CNTN4: variants seen among roughly 807,000 people sequenced by gnomAD.
The protein encoded by CNTN4 is contactin 4.
A neutral mutation model predicts 122.5 loss-of-function variants in CNTN4; 77 were observed. That is an observed-to-expected ratio of 0.63 (90% CI 0.52 to 0.76). The LOEUF (loss-of-function observed/expected upper bound fraction) is 0.76. Among genes scored for constraint, CNTN4 ranks in the 30% least tolerant of loss-of-function variants. The probability of loss-of-function intolerance (pLI) is 0.00; values close to 1 mark genes in which losing one functional copy is unlikely to be tolerated. For synonymous variants in CNTN4, 512 were observed against 447.0 expected, an observed-to-expected ratio of 1.15 and a Z score of -1.83; for missense variants, 1,256 against 1,259.1, an observed-to-expected ratio of 1.00 and a Z score of 0.04.
chr3:2,528,555 T>A (rs2149212460), intron 3 of CNTN4, among the ~76,000 whole-genome samples: 1 of 152,290 alleles, frequency 6.6e-6, no homozygotes, highest in East Asian at 1.9e-4. Context: ...TTGTCTGAGA[T>A]TGTACTACTT....
chr3:2,973,976 T>G (rs1339408789), intron 13 of CNTN4, among the ~76,000 whole-genome samples: 1 of 152,226 alleles, frequency 6.6e-6, no homozygotes, highest in Non-Finnish European at 1.5e-5. Context: ...TCAGATCATC[T>G]TGGATGGTAC....
At chr3:2,626,087 A>C (rs1394447495) in intron 4 of CNTN4, among the ~76,000 whole-genome samples, 2 of 152,164 alleles carry the variant, frequency 1.3e-5, no homozygotes, top group Non-Finnish European at 2.9e-5. Flanking sequence ...ATCTTTTGCC[A>C]GTTCTCTTGA....
chr3:2,523,356 T>TAAAAAAA (rs67485307), intron 3 of CNTN4, among the ~76,000 whole-genome samples: 1 of 119,990 alleles, frequency 8.3e-6, no homozygotes, highest in Non-Finnish European at 1.7e-5. Flanking sequence ...CAAGAGACCT[T>TAAAAAAA]AAAAAAAAAA....
At chr3:2,996,172 T>A (rs1695516880) in intron 14 of CNTN4, among the ~76,000 whole-genome samples, 1 of 152,130 alleles carries the variant, frequency 6.6e-6, no homozygotes, top group African/African-American at 2.4e-5. Context: ...TCTGTTTGGG[T>A]AAATTTTTAA....
intron 2 of CNTN4, among the ~76,000 whole-genome samples, chr3:2,205,235 G>GT (rs980063961): frequency 4.0e-5 from 6 of 150,256 alleles, no homozygotes; most frequent in Non-Finnish European, 5.9e-5. Flanking sequence ...ATAATAAAAA[G>GT]TTTTTTTATT....
chr3:2,824,321 C>T (rs2092940262), intron 7 of CNTN4, among the ~76,000 whole-genome samples: 1 of 151,772 alleles, frequency 6.6e-6, no homozygotes, highest in South Asian at 2.1e-4. Flanking sequence ...AATTAGTCTG[C>T]TGGTGTGCGC....
intron 14 of CNTN4, among the ~76,000 whole-genome samples, chr3:3,000,462 G>A (rs1025711375): frequency 6.6e-6 from 1 of 152,154 alleles, no homozygotes; most frequent in Non-Finnish European, 1.5e-5. Context: ...TGACATCAGA[G>A]GGCAGTACCA....
At chr3:2,666,583 G>A (rs1053448298) in intron 4 of CNTN4, among the ~76,000 whole-genome samples, 1 of 120,718 alleles carries the variant, frequency 8.3e-6, no homozygotes, top group African/African-American at 3.1e-5. Context: ...GGAATAAAAT[G>A]TTCTTTTTTT....
chr3:2,396,395 C>G (rs1242544866), intron 3 of CNTN4, among the ~76,000 whole-genome samples: 1 of 152,064 alleles, frequency 6.6e-6, no homozygotes, highest in Non-Finnish European at 1.5e-5. Flanking sequence ...TCTCAGAAAT[C>G]ATGTTAAAGA....
At chr3:2,122,022 GGC>G (rs367944967) in intron 2 of CNTN4, among the ~76,000 whole-genome samples, 2,334 of 135,350 alleles carry the variant, frequency 0.017, 44 homozygotes, top group African/African-American at 0.05. Flanking sequence ...CGGGCGTGGT[GGC>G]GGCGCCTGTA....
chr3:2,619,401 A>T (rs1478235766), intron 4 of CNTN4, among the ~76,000 whole-genome samples: 2 of 152,196 alleles, frequency 1.3e-5, no homozygotes, highest in African/African-American at 4.8e-5. Context: ...ATTGATTGTA[A>T]ATATTTTCAA....
chr3:2,621,164 C>G (rs1168259649), intron 4 of CNTN4, among the ~76,000 whole-genome samples: 3 of 152,100 alleles, frequency 2.0e-5, no homozygotes, highest in Non-Finnish European at 4.4e-5. Flanking sequence ...TTAAGCACCC[C>G]CTGTTCTCGC....
intron 4 of CNTN4, among the ~76,000 whole-genome samples, chr3:2,714,355 G>T (rs1011459581): frequency 2.0e-5 from 3 of 152,142 alleles, no homozygotes; most frequent in African/African-American, 7.2e-5. Context: ...TCTTCATACT[G>T]TTCTGTAGAA....
chr3:2,798,916 A>G (rs950613768), intron 6 of CNTN4, among the ~76,000 whole-genome samples: 28 of 152,098 alleles, frequency 1.8e-4, no homozygotes, highest in Admixed American at 1.2e-3. Context: ...AGAAATCTCT[A>G]TACTGTTTTC....
intron 2 of CNTN4, among the ~76,000 whole-genome samples, chr3:2,120,402 TATA>T (rs1445417177): frequency 3.8e-3 from 118 of 31,156 alleles, no homozygotes; most frequent in East Asian, 9.2e-3. Flanking sequence ...TATATATATA[TATA>T]TTTTTTTTTT....
At chr3:2,396,303 G>A (rs929875019) in intron 3 of CNTN4, among the ~76,000 whole-genome samples, 2 of 152,196 alleles carry the variant, frequency 1.3e-5, no homozygotes, top group South Asian at 2.1e-4. Flanking sequence ...GGGATTACAG[G>A]CATGAGCCAA....
chr3:2,945,148 G>T (rs184299380), intron 13 of CNTN4, among the ~76,000 whole-genome samples: 1 of 152,032 alleles, frequency 6.6e-6, no homozygotes, highest in Non-Finnish European at 1.5e-5. Context: ...CCTGAAGGAG[G>T]GAAATCTGGG....
intron 3 of CNTN4, among the ~76,000 whole-genome samples, chr3:2,550,088 C>T (rs1403302166): frequency 6.6e-6 from 1 of 152,112 alleles, no homozygotes; most frequent in Non-Finnish European, 1.5e-5. Flanking sequence ...ATTCTTCTCT[C>T]TTTTCTTCTT....
chr3:2,354,038 G>T (rs978058840), intron 3 of CNTN4, among the ~76,000 whole-genome samples: 1 of 152,082 alleles, frequency 6.6e-6, no homozygotes, highest in African/African-American at 2.4e-5. Flanking sequence ...ATTTTCTTAT[G>T]ACGTAACCTA....
Sources: gnomAD v4.1 joint callset for allele counts (sites outside exome capture counted in the v4.1 genomes callset) on GRCh38, gnomAD v4.1.1 for gene constraint, MANE v1.5 for transcripts, NCBI Gene and HGNC (gene_info 2026-07-23, HGNC 2026-07-21) for gene names.